Variants in SUGP2 observed in about 807,000 individuals in gnomAD.
SUGP2 encodes SURP and G-patch domain containing 2.
Under a neutral mutation model 90.5 loss-of-function variants are expected in SUGP2, and 24 were observed. That is an observed-to-expected ratio of 0.27 (90% confidence interval 0.19 to 0.37). The LOEUF (loss-of-function observed/expected upper bound fraction) is 0.37. SUGP2 is among the 10% of genes least tolerant of loss of function. The probability of loss-of-function intolerance (pLI) is 1.00; values close to 1 mark genes in which losing one functional copy is unlikely to be tolerated. For synonymous variants in SUGP2, 473 were observed against 513.4 expected, an observed-to-expected ratio of 0.92 and a Z score of 1.06; for missense variants, 1,233 against 1,363.3, an observed-to-expected ratio of 0.90 and a Z score of 1.51.
chr19:19,020,054 A>C lies in SUGP2; in HGVS notation c.1730-825T>G, dbSNP rs543799570. Among the ~76,000 whole-genome samples, 89 of 147,434 alleles carry C rather than the reference A, an allele frequency of 6.0e-4. 1 individual carries two copies. Among genetic ancestry groups the C allele is most frequent in the African/African-American group, 1.9e-3 (77 of 40,198 alleles). On this transcript the variant is annotated intron_variant, in intron 3 of 10. Coordinates refer to ENST00000452918, the MANE Select transcript of SUGP2 (RefSeq NM_001017392.5). ...TGGGATAGAGCGAGACTCCATCACA[A>C]AAAAAAATAAATAAATAAATAAATA...
chr19:19,004,089 C>T, intron 7 of SUGP2, 79 bp downstream of exon 7: 1 of 1,116,678 alleles, frequency 9.0e-7, no homozygotes, highest in Non-Finnish European at 1.3e-6. Context: ...AAAATGTCTC[C>T]ACCTGTCTCT....
intron 9 of SUGP2, chr19:18,994,897 C>T: frequency 1.7e-6 from 1 of 590,658 alleles, no homozygotes; most frequent in South Asian, 2.0e-5. Context: ...TTATGATGGT[C>T]ACAAATGTGG....
In SUGP2 at chr19:19,026,297, GCAAA is replaced by G. The variant is rs1479436287; in HGVS notation, c.122-75_122-72del. On this transcript the variant is annotated intron_variant, in intron 2 of 10. Coordinates refer to ENST00000452918, the MANE Select transcript of SUGP2 (RefSeq NM_001017392.5). ...CTTTAGACCAGAGAATGCAAACAGT[GCAAA>G]CAAACAGTCCACGGATCACCAGGCA... 8 of 1,407,366 alleles carry G rather than the reference GCAAA, an allele frequency of 5.7e-6. No individual in the cohort carries two copies. In the Admixed American group the frequency reaches 1.1e-4, roughly 20 times the overall value. The allele number at this position is 1,407,366 out of a possible 1,614,324, so 87.2% of individuals were successfully genotyped here. A position where few individuals can be genotyped will look rare whatever the true frequency, so the allele number is the denominator to read the frequency against.
At chr19:19,032,124 C>A (rs1200192927) in intron 1 of SUGP2, among the ~76,000 whole-genome samples, 1 of 151,422 alleles carries the variant, frequency 6.6e-6, no homozygotes, top group African/African-American at 2.4e-5. Context: ...CCACAACCCT[C>A]GCAAATCGTG....
At chr19:18,997,385 G>T (rs2057644692) in intron 8 of SUGP2, among the ~76,000 whole-genome samples, 1 of 152,118 alleles carries the variant, frequency 6.6e-6, no homozygotes. Flanking sequence ...GAAGGCCTGG[G>T]CCTCTGGAGC....
At chr19:19,009,136 C>G (rs2058203650) in intron 5 of SUGP2, among the ~76,000 whole-genome samples, 1 of 152,192 alleles carries the variant, frequency 6.6e-6, no homozygotes, top group African/African-American at 2.4e-5. Flanking sequence ...TGGTTGCGAA[C>G]TCCTGAGCTC....
In SUGP2 at chr19:19,026,123, G is replaced by T. The variant is rs1158734034; in HGVS notation, c.225C>A (p.Ala75=). Residue 75 remains alanine, a synonymous_variant, in exon 3 of 11, where the codon GCC becomes GCA. Transcript: ENST00000452918. ...CGTCACTTCTCAGGCCTTCTCTTCC[G>T]GCATCTCTAGAGTGAGCTACAGATC... ...LSGSVAHSRD[A]GREGLRSDVF... The T allele has an allele frequency of 6.2e-7, 1 of 1,613,934 alleles. No homozygotes were observed. Among genetic ancestry groups the T allele is most frequent in the African/African-American group, 1.3e-5 (1 of 74,874 alleles).
chr19:19,004,054 G>A (rs973053039), intron 7 of SUGP2, 114 bp downstream of exon 7: 4 of 784,982 alleles, frequency 5.1e-6, no homozygotes, highest in Non-Finnish European at 8.2e-6. Flanking sequence ...ACATTTTGGA[G>A]TGGTGCACAA....
At chr19:19,029,866 C>A (rs2059082391) in intron 2 of SUGP2, among the ~76,000 whole-genome samples, 1 of 151,898 alleles carries the variant, frequency 6.6e-6, no homozygotes, top group African/African-American at 2.4e-5. Context: ...TCGCTTGAAT[C>A]CAGGAGGCAC....
intron 4 of SUGP2, among the ~76,000 whole-genome samples, chr19:19,016,046 C>T (rs1469523636): frequency 6.6e-6 from 1 of 152,182 alleles, no homozygotes; most frequent in Non-Finnish European, 1.5e-5. Context: ...ACTACACCTC[C>T]TCTTTCTCAT....
intron 1 of SUGP2, among the ~76,000 whole-genome samples, chr19:19,032,094 A>C (rs1047464173): frequency 6.6e-6 from 1 of 152,022 alleles, no homozygotes; most frequent in Non-Finnish European, 1.5e-5. Context: ...ACTGAGCATA[A>C]CAGAGTAGGA....
At chr19:18,998,795 G>C (rs554672148) in intron 8 of SUGP2, 5 of 152,626 alleles carry the variant, frequency 3.3e-5, no homozygotes, top group African/African-American at 1.2e-4. Flanking sequence ...TATGGGCTGG[G>C]ACAGGAAGAG....
chr19:19,010,318 C>T lies in SUGP2; in HGVS notation c.1875G>A (p.Leu625=), dbSNP rs1189419542. 6.2e-7 allele frequency: 1 copy of T among 1,612,210 alleles called. No homozygotes were observed. The highest frequency in any genetic ancestry group is 1.3e-5 in the African/African-American group (1 of 74,916). ...ACTTCAGCTTGTAATATTTATACTC[C>T]AGACTATTTTCATCAGACAAAAACC... ...AYWFLSDENS[L]EYKYYKLKLA... Residue 625 remains leucine, a synonymous_variant, in exon 5 of 11, where the codon CTG becomes CTA. Transcript: ENST00000452918.
chr19:19,032,759 G>A (rs1186816606), intron 1 of SUGP2, among the ~76,000 whole-genome samples: 1 of 152,138 alleles, frequency 6.6e-6, no homozygotes, highest in South Asian at 2.1e-4. Flanking sequence ...TGCATCCAAA[G>A]CCCCGAAGAA....
rs562491156 is a variant in SUGP2, at chr19:19,008,751, C to A, written c.2339-323G>T. Among the ~76,000 whole-genome samples the A allele has an allele frequency of 1.1e-4, 17 of 152,324 alleles. No individual in the cohort carries two copies. In the East Asian group the frequency reaches 3.3e-3, roughly 29 times the overall value. ...CAACCCCAATTGCCAGGTGAACAAA[C>A]ATGGGCTGGCTGCTGGGGGGATGAC... On this transcript the variant is annotated intron_variant, in intron 5 of 10. Transcript: ENST00000452918.
At chr19:19,004,830 C>T (rs2057998931) in intron 6 of SUGP2, among the ~76,000 whole-genome samples, 184 bp from the exon 7 acceptor site, 1 of 152,156 alleles carries the variant, frequency 6.6e-6, no homozygotes, top group Non-Finnish European at 1.5e-5. Context: ...TTGAGGAGTA[C>T]TAGTAACTTA....
At position 18,995,114 on chromosome 19, in the gene SUGP2, C is replaced by A; in HGVS notation, c.3128+30G>T. ...CAGGTGGAAGGACTGAGGCCCCACC[C>A]ACTCCCACCCCAGGCTGCCTGCTGC... On this transcript the variant is annotated intron_variant, in intron 9 of 10. Transcript: ENST00000452918. 3.2e-6 allele frequency: 5 copies of A among 1,572,380 alleles called. No homozygotes were observed. The South Asian group carries it at 5.6e-5, about 18-fold the overall frequency.
intron 2 of SUGP2, among the ~76,000 whole-genome samples, chr19:19,028,309 C>T (rs546841618): frequency 2.5e-4 from 38 of 152,276 alleles, no homozygotes; most frequent in African/African-American, 8.2e-4. Context: ...GTCGGGCCCT[C>T]AGTGGTACTC....
At chr19:19,020,930 C>T (rs1348974228) in intron 3 of SUGP2, among the ~76,000 whole-genome samples, 4 of 151,930 alleles carry the variant, frequency 2.6e-5, no homozygotes, top group Admixed American at 1.3e-4. Context: ...GAGGCCGAGG[C>T]GGGTGGATCA....
Sources: gnomAD v4.1 joint callset for allele counts (sites outside exome capture counted in the v4.1 genomes callset) on GRCh38, gnomAD v4.1.1 for gene constraint, MANE v1.5 for transcripts, NCBI Gene and HGNC (gene_info 2026-07-23, HGNC 2026-07-21) for gene names.